CC2D2A: variants seen among roughly 807,000 people sequenced by gnomAD.
The protein encoded by CC2D2A is coiled-coil and C2 domain containing 2A, also known as coiled-coil and C2 domain-containing protein 2A.
CC2D2A carries 155 observed loss-of-function variants against 212.9 expected under a neutral mutation model. That is an observed-to-expected ratio of 0.73 (90% CI 0.64 to 0.83). The LOEUF is 0.83. CC2D2A is among the 40% of genes least tolerant of loss of function. CC2D2A has a pLI of 0.00. For synonymous variants in CC2D2A, 667 were observed against 686.5 expected, an observed-to-expected ratio of 0.97 and a Z score of 0.44; for missense variants, 1,856 against 1,956.2, an observed-to-expected ratio of 0.95 and a Z score of 0.97.
chr4:15,492,237 A>C (rs1055766299), intron 4 of CC2D2A, among the ~76,000 whole-genome samples: 1 of 151,406 alleles, frequency 6.6e-6, no homozygotes, highest in Non-Finnish European at 1.5e-5. Context: ...TCTACCATCA[A>C]ATCCTGTGTG....
At chr4:15,494,789 A>G (rs1715518093) in intron 4 of CC2D2A, among the ~76,000 whole-genome samples, 1 of 152,208 alleles carries the variant, frequency 6.6e-6, no homozygotes, top group East Asian at 1.9e-4. Flanking sequence ...CAAAATTTGA[A>G]AGTTTTTAAT....
At chr4:15,546,327 A>G (rs910715598) in intron 17 of CC2D2A, among the ~76,000 whole-genome samples, 1 of 152,224 alleles carries the variant, frequency 6.6e-6, no homozygotes, top group Non-Finnish European at 1.5e-5. Flanking sequence ...TTTATCCTAC[A>G]TTCATCTTCT....
At chr4:15,550,121 C>T (rs1342927643) in intron 17 of CC2D2A, among the ~76,000 whole-genome samples, 1 of 152,134 alleles carries the variant, frequency 6.6e-6, no homozygotes, top group Non-Finnish European at 1.5e-5. Flanking sequence ...CGAATGGAGC[C>T]AAGGGTCCAA....
chr4:15,517,327 T>C (rs1344199547), intron 11 of CC2D2A, among the ~76,000 whole-genome samples: 1 of 152,162 alleles, frequency 6.6e-6, no homozygotes, highest in Non-Finnish European at 1.5e-5. Context: ...ACATCCAGGT[T>C]AGCTACACTT....
intron 17 of CC2D2A, among the ~76,000 whole-genome samples, chr4:15,546,954 A>G (rs1718742059): frequency 6.6e-6 from 1 of 152,220 alleles, no homozygotes; most frequent in Non-Finnish European, 1.5e-5. Flanking sequence ...ATATTTACAT[A>G]TGTTATCTCG....
intron 4 of CC2D2A, 67 bp from the exon 5 acceptor site, chr4:15,502,362 T>A: frequency 7.7e-7 from 1 of 1,298,614 alleles, no homozygotes; most frequent in Non-Finnish European, 1.1e-6. Flanking sequence ...TGTTTTAAAG[T>A]AATTTTCCTT....
At chr4:15,590,198 CTAAA>C (rs1721038068) in intron 33 of CC2D2A, among the ~76,000 whole-genome samples, 1 of 152,006 alleles carries the variant, frequency 6.6e-6, no homozygotes, top group Admixed American at 6.6e-5. Context: ...GTGAAGGGTA[CTAAA>C]TAAAGTAGTG....
intron 30 of CC2D2A, among the ~76,000 whole-genome samples, chr4:15,583,706 T>C (rs1449154591): frequency 6.6e-6 from 1 of 152,022 alleles, no homozygotes; most frequent in Non-Finnish European, 1.5e-5. Flanking sequence ...TCCCAGCACT[T>C]TGGGAGGCCG....
intron 4 of CC2D2A, among the ~76,000 whole-genome samples, chr4:15,482,811 GATT>G (rs1362112707): frequency 6.6e-6 from 1 of 152,188 alleles, no homozygotes; most frequent in Non-Finnish European, 1.5e-5. Context: ...ATAAAAAGTG[GATT>G]ATTTTCTAAC....
Position 15,601,222 on chromosome 4 carries a change from GTT to G in CC2D2A, c.4675-10_4675-9del, listed in dbSNP as rs768070983. On this transcript the variant is annotated splice_polypyrimidine_tract_variant and intron_variant, in intron 36 of 36. Coordinates refer to ENST00000424120, the MANE Select transcript of CC2D2A (RefSeq NM_001378615.1). Reference sequence around the variant, plus strand: ...TCAAACTTCACTAATGACTACAAATGTTTTTTCCCTTCAGTTCTCTGGATTTC... The same window carrying G: ...TCAAACTTCACTAATGACTACAAATGTTTTCCCTTCAGTTCTCTGGATTTC... 6.2e-7 allele frequency: 1 copy of G among 1,603,172 alleles called. No individual in the cohort carries two copies. The highest frequency in any genetic ancestry group is 8.5e-7 in the Non-Finnish European group (1 of 1,172,474).
At chr4:15,560,907 T>A (rs1003267926) in intron 23 of CC2D2A, among the ~76,000 whole-genome samples, 1 of 152,204 alleles carries the variant, frequency 6.6e-6, no homozygotes, top group South Asian at 2.1e-4. Context: ...CTCATTCCCG[T>A]TGAACTAAAC....
At chr4:15,598,764 C>G (rs1291831870) in intron 35 of CC2D2A, among the ~76,000 whole-genome samples, 1 of 152,192 alleles carries the variant, frequency 6.6e-6, no homozygotes, top group Non-Finnish European at 1.5e-5. Flanking sequence ...AAGAGCTCCA[C>G]AAATATTTGA....
At chr4:15,569,968 G>C (rs1470801220) in intron 27 of CC2D2A, among the ~76,000 whole-genome samples, 2 of 152,132 alleles carry the variant, frequency 1.3e-5, no homozygotes, top group Admixed American at 6.5e-5. Flanking sequence ...ACTCAAGATG[G>C]AGTCGCTTTG....
intron 4 of CC2D2A, among the ~76,000 whole-genome samples, chr4:15,493,776 G>C (rs1715451890): frequency 6.6e-6 from 1 of 152,124 alleles, no homozygotes; most frequent in African/African-American, 2.4e-5. Flanking sequence ...CTAGTACCTT[G>C]AACACATAAC....
chr4:15,566,177 A>C (rs1217380879), intron 24 of CC2D2A, among the ~76,000 whole-genome samples: 1 of 152,210 alleles, frequency 6.6e-6, no homozygotes, highest in Non-Finnish European at 1.5e-5. Flanking sequence ...TTTGATCTTC[A>C]TTTGTTCCTT....
intron 4 of CC2D2A, among the ~76,000 whole-genome samples, chr4:15,485,183 A>G (rs1577315999): frequency 6.6e-6 from 1 of 152,182 alleles, no homozygotes; most frequent in Non-Finnish European, 1.5e-5. Flanking sequence ...CACTATCTCT[A>G]TCAGATCAAT....
At chr4:15,573,510 C>T (rs2109077181) in intron 28 of CC2D2A, among the ~76,000 whole-genome samples, 1 of 152,240 alleles carries the variant, frequency 6.6e-6, no homozygotes, top group East Asian at 1.9e-4. Context: ...AGGCTTGTCT[C>T]AAACTCCTGA....
chr4:15,498,939 A>G lies in CC2D2A; in HGVS notation c.248-3490A>G, dbSNP rs113143315. Among the ~76,000 whole-genome samples the G allele has an allele frequency of 2.6e-3, 396 of 152,296 alleles. 1 individual carries two copies. The highest frequency in any genetic ancestry group is 9.3e-3 in the African/African-American group (385 of 41,562). Reference sequence around the variant, plus strand: ...AAAAACCAAGTTCAAAAGTCCTCCAATATGTTTCTTGCTCTCAGCTGGTCA... The same window carrying G: ...AAAAACCAAGTTCAAAAGTCCTCCAGTATGTTTCTTGCTCTCAGCTGGTCA... On this transcript the variant is annotated intron_variant, in intron 4 of 36. Coordinates refer to ENST00000424120, the MANE Select transcript of CC2D2A (RefSeq NM_001378615.1).
chr4:15,566,064 C>T (rs1313147346), intron 24 of CC2D2A, among the ~76,000 whole-genome samples: 2 of 152,042 alleles, frequency 1.3e-5, no homozygotes, highest in Non-Finnish European at 2.9e-5. Context: ...TGTATTTTGC[C>T]CAGTGATGAA....
Sources: gnomAD v4.1 joint callset for allele counts (sites outside exome capture counted in the v4.1 genomes callset) on GRCh38, gnomAD v4.1.1 for gene constraint, MANE v1.5 for transcripts, NCBI Gene and HGNC (gene_info 2026-07-23, HGNC 2026-07-21) for gene names.